Variants in NSRP1 observed in about 807,000 individuals in gnomAD.
The protein encoded by NSRP1 is nuclear speckle splicing regulatory protein 1.
Under a neutral mutation model 54.7 loss-of-function variants are expected in NSRP1, and 24 were observed. The ratio of observed to expected loss-of-function variants is 0.44; its 90% CI spans 0.32 to 0.62. NSRP1 has a LOEUF of 0.62. Ranked by LOEUF, NSRP1 falls within the 20% of genes least tolerant of loss-of-function variation. The pLI, the probability that NSRP1 is intolerant of heterozygous loss-of-function variation, is 0.06. For synonymous variants in NSRP1, 210 were observed against 213.8 expected (o/e 0.98, Z 0.15); for missense variants, 596 against 651.2 (o/e 0.92, Z 0.92).
chr17:30,129,501 C>A (rs1365489364), intron 2 of NSRP1, among the ~76,000 whole-genome samples: 1 of 151,580 alleles, frequency 6.6e-6, no homozygotes, highest in Non-Finnish European at 1.5e-5. Context: ...GTATACACTT[C>A]CATTCCTTTC....
chr17:30,181,597 G>GT (rs35525133), intron 6 of NSRP1, among the ~76,000 whole-genome samples: 50,176 of 135,190 alleles, frequency 0.37, 10,531 homozygotes, highest in East Asian at 0.77. Context: ...TGTGTGTGTG[G>GT]TTTTTTTTTT....
chr17:30,179,499 CT>C (rs1597622322), intron 5 of NSRP1, among the ~76,000 whole-genome samples: 1 of 152,168 alleles, frequency 6.6e-6, no homozygotes. Context: ...CAGTTGAACT[CT>C]TCAGTAACTA....
Position 30,185,575 on chromosome 17 carries a change from G to A in NSRP1, c.1578G>A (p.Arg526=), listed in dbSNP as rs748027599. 8.7e-6 allele frequency: 14 copies of A among 1,614,148 alleles called. No homozygotes were observed. The highest frequency in any genetic ancestry group is 1.2e-5 in the Non-Finnish European group (14 of 1,180,018). ...AGGCAGTGAGCAAGTTTGCAAAGCG[G>A]AACAATGAAGAAACTGTAATGTCAG... ...PPEAVSKFAK[R]NNEETVMSAR... The change falls in exon 7 of 7, where the codon CGG becomes CGA. Residue 526 remains arginine, a synonymous_variant. Transcript: ENST00000247026.
chr17:30,144,867 C>T (rs915745935), intron 2 of NSRP1: 1 of 152,220 alleles, frequency 6.6e-6, no homozygotes, highest in East Asian at 1.9e-4. Context: ...TTCTGATCCC[C>T]TCTCATTCCC....
Position 30,179,278 on chromosome 17 carries a change from G to A in NSRP1, c.489G>A (p.Lys163=). 1.3e-6 allele frequency: 2 copies of A among 1,582,748 alleles called. No homozygotes were observed. The highest frequency in any genetic ancestry group is 1.4e-5 in the African/African-American group (1 of 73,626). The change falls in exon 5 of 7, where the codon AAG becomes AAA. Residue 163 remains lysine (K), a synonymous_variant. Transcript: ENST00000247026. ...GAGCTGAAGAAGAAGAAAGAGAAAAGAGGGCTGCTGCACTGGAAGGTAAAA... is the reference window on the plus strand; with the variant it reads ...GAGCTGAAGAAGAAGAAAGAGAAAAAAGGGCTGCTGCACTGGAAGGTAAAA... The part of the protein sequence containing the change: ...QERAEEEERE[K]RAAALEACLD...
At chr17:30,177,847 C>G (rs764510079) in intron 3 of NSRP1, 2 of 579,918 alleles carry the variant, frequency 3.4e-6, no homozygotes, top group South Asian at 3.8e-5. Flanking sequence ...AATTAAGGTA[C>G]CAAAAGATTA....
chr17:30,130,523 A>G (rs2071690282), intron 2 of NSRP1, among the ~76,000 whole-genome samples: 1 of 152,172 alleles, frequency 6.6e-6, no homozygotes, highest in East Asian at 1.9e-4. Flanking sequence ...ATGCTTGCCC[A>G]TTGCTTTTGT....
At chr17:30,181,607 T>C (rs1023025240) in intron 6 of NSRP1, among the ~76,000 whole-genome samples, 1 of 149,820 alleles carries the variant, frequency 6.7e-6, no homozygotes, top group Non-Finnish European at 1.5e-5. Flanking sequence ...GTTTTTTTTT[T>C]TTGTTTTTTT....
intron 2 of NSRP1, among the ~76,000 whole-genome samples, chr17:30,125,090 T>G (rs1447353796): frequency 6.6e-6 from 1 of 151,984 alleles, no homozygotes; most frequent in African/African-American, 2.4e-5. Context: ...TCCCAGCTAC[T>G]CAGGCTGAGG....
chr17:30,141,171 ACTTTTTT>A (rs2071801989), intron 2 of NSRP1, among the ~76,000 whole-genome samples: 1 of 151,720 alleles, frequency 6.6e-6, no homozygotes. Flanking sequence ...CTATTTTATT[ACTTTTTT>A]CTTTTATCTT....
At chr17:30,171,334 C>G (rs1467163550) in intron 2 of NSRP1, among the ~76,000 whole-genome samples, 1 of 140,588 alleles carries the variant, frequency 7.1e-6, no homozygotes, top group Admixed American at 7.5e-5. Context: ...GAGACAGAGC[C>G]TGGTTCTGTT....
In NSRP1 at chr17:30,181,005, T is replaced by C. The variant is rs773119002; in HGVS notation, c.606T>C (p.Phe202=). 8 of 1,604,582 alleles carry C rather than the reference T, an allele frequency of 5.0e-6. No homozygotes were observed. In the South Asian group the frequency reaches 7.7e-5, roughly 15 times the overall value. ...VGEEEVPKCS[F]REARSGIKEE... is the part of the protein sequence containing the mutation. Reference sequence around the variant, plus strand: ...AAGAGGAAGTACCTAAATGCAGCTTTCGTGAAGCCAGGTGAGGAGACGTGT... The same window carrying C: ...AAGAGGAAGTACCTAAATGCAGCTTCCGTGAAGCCAGGTGAGGAGACGTGT... The change falls in exon 6 of 7, where the codon TTT becomes TTC. Residue 202 remains phenylalanine (F), a synonymous_variant. Transcript: ENST00000247026.
In NSRP1 at chr17:30,185,093, A is replaced by G; in HGVS notation, c.1096A>G (p.Arg366Gly). 2 of 1,613,832 alleles carry G rather than the reference A, an allele frequency of 1.2e-6. No homozygotes were observed. The highest frequency in any genetic ancestry group is 1.7e-6 in the Non-Finnish European group (2 of 1,179,880). ...WKRHEQEDKP[R>G]ARDQRERSDR... ...GAGGCATGAACAGGAAGATAAACCA[A>G]GGGCGAGGGACCAAAGAGAAAGAAG... Residue 366 changes from arginine (R) to glycine (G), a missense_variant, in exon 7 of 7, where the codon AGG becomes GGG. Physicochemically the swap from Arg to Gly is moderately radical, Grantham distance 125 (BLOSUM62 -2). Coordinates refer to ENST00000247026, the MANE Select transcript of NSRP1 (RefSeq NM_032141.4).
At position 30,185,623 on chromosome 17, in the gene NSRP1, G is replaced by T; in HGVS notation, c.1626G>T (p.Arg542Ser). 6.2e-7 allele frequency: 1 copy of T among 1,612,524 alleles called. No individual in the cohort carries two copies. Among genetic ancestry groups the T allele is most frequent in the Non-Finnish European group, 8.5e-7 (1 of 1,179,582 alleles). Reference protein sequence around the residue: ...VMSARDRYLARQMARVNAKTY... With the variant: ...VMSARDRYLASQMARVNAKTY... ...CAGCTAGAGACAGGTACTTGGCCAG[G>T]CAGATGGCGCGGGTTAATGCAAAGA... The change falls in exon 7 of 7, where the codon AGG becomes AGT. Residue 542 changes from arginine to serine, a missense_variant. Transcript: ENST00000247026.
At chr17:30,138,507 C>T (rs879180094) in intron 2 of NSRP1, among the ~76,000 whole-genome samples, 1 of 152,078 alleles carries the variant, frequency 6.6e-6, no homozygotes, top group Admixed American at 6.6e-5. Context: ...ATACCTAATA[C>T]AATGTAAATA....
rs202103242 is a variant in NSRP1, at chr17:30,118,090, A to C, written c.31A>C (p.Ile11Leu). MAIPGRQYGL[I>L]LPKKTQQLHP... The stretch of plus-strand genomic sequence containing the variant: ...AAAAAATATATGCAGGTATGGGCTT[A>C]TTTTGCCAAAGAAAACACAGCAGTT... Residue 11 changes from isoleucine to leucine, a missense_variant, in exon 2 of 7, where the codon ATT becomes CTT. Ile to Leu is a conservative substitution (Grantham distance 5, BLOSUM62 2). Coordinates refer to ENST00000247026, the MANE Select transcript of NSRP1 (RefSeq NM_032141.4). The C allele has an allele frequency of 8.1e-6, 13 of 1,613,720 alleles. No individual in the cohort carries two copies. In the South Asian group the frequency reaches 1.4e-4, roughly 18 times the overall value.
chr17:30,160,861 A>T (rs1487273802), intron 2 of NSRP1, among the ~76,000 whole-genome samples: 1 of 152,184 alleles, frequency 6.6e-6, no homozygotes, highest in Non-Finnish European at 1.5e-5. Flanking sequence ...ATTTATAGGT[A>T]ATTCAAGTTA....
In NSRP1 at chr17:30,174,553, G is replaced by T. The variant is rs1281444514; in HGVS notation, c.171+1955G>T. On this transcript the variant is annotated intron_variant, in intron 3 of 6. Coordinates refer to ENST00000247026, the MANE Select transcript of NSRP1 (RefSeq NM_032141.4). ...CAGAACTGATGATGGCAACATTATT[G>T]TCATATTCCGTTTCATTGGGAAAAC... 2.0e-5 allele frequency among the ~76,000 whole-genome samples: 3 copies of T among 152,030 alleles called. No homozygotes were observed. The East Asian group carries it at 5.8e-4, about 29-fold the overall frequency.
intron 2 of NSRP1, among the ~76,000 whole-genome samples, chr17:30,153,085 T>C (rs112618299): frequency 0.022 from 3,280 of 152,054 alleles, 91 homozygotes; most frequent in African/African-American, 0.071. Context: ...CTGCTAATTT[T>C]TGTATTTTTT....
Sources: gnomAD v4.1 joint callset for allele counts (sites outside exome capture counted in the v4.1 genomes callset) on GRCh38, gnomAD v4.1.1 for gene constraint, MANE v1.5 for transcripts, NCBI Gene and HGNC (gene_info 2026-07-23, HGNC 2026-07-21) for gene names.